Variants in NHSL1 observed in about 807,000 individuals in gnomAD.
NHSL1 encodes NHS-like protein 1.
In NHSL1, 48 loss-of-function variants were observed where a neutral mutation model predicts 95.0. The ratio of observed to expected loss-of-function variants is 0.51; its 90% CI spans 0.40 to 0.64. The LOEUF is 0.64. Ranked by LOEUF, NHSL1 falls within the 30% of genes least tolerant of loss-of-function variation. The pLI is 0.00. For missense variants in NHSL1, 1,971 were observed against 2,077.7 expected, an observed-to-expected ratio of 0.95 and a Z score of 1.00; for synonymous variants, 783 against 833.9, an observed-to-expected ratio of 0.94 and a Z score of 1.05.
intron 1 of NHSL1, among the ~76,000 whole-genome samples, chr6:138,617,362 G>C (rs143107415): frequency 2.6e-5 from 4 of 152,124 alleles, no homozygotes; most frequent in African/African-American, 9.7e-5. Flanking sequence ...ACAGGGAAGA[G>C]GACAGACTGC....
intron 1 of NHSL1, among the ~76,000 whole-genome samples, chr6:138,590,435 C>A (rs73564368): frequency 3.9e-5 from 6 of 152,314 alleles, no homozygotes; most frequent in African/African-American, 1.4e-4. Context: ...TCCTTTCTCC[C>A]TTTCCCCTCA....
At chr6:138,564,015 T>A (rs1005443891) in intron 1 of NHSL1, among the ~76,000 whole-genome samples, 2 of 152,172 alleles carry the variant, frequency 1.3e-5, no homozygotes, top group Non-Finnish European at 2.9e-5. Flanking sequence ...TAATTCCATA[T>A]CTCTGTTCAC....
chr6:138,539,199 A>G (rs1368170844), intron 1 of NHSL1, among the ~76,000 whole-genome samples: 1 of 152,218 alleles, frequency 6.6e-6, no homozygotes, highest in Non-Finnish European at 1.5e-5. Context: ...ATACGATTTT[A>G]TAAAATAATT....
chr6:138,669,335 G>A (rs1785334746), intron 1 of NHSL1, among the ~76,000 whole-genome samples: 1 of 152,108 alleles, frequency 6.6e-6, no homozygotes. Context: ...GGAGAATAAA[G>A]GTTGAGCCAT....
chr6:138,545,664 G>A (rs1199147518), exon 1 of NHSL1: 1 of 1,289,202 alleles, frequency 7.8e-7, no homozygotes, highest in Non-Finnish European at 1.0e-6. Context: ...TGGAGGGGCT[G>A]TGCTCTGTGG....
Position 138,519,049 on chromosome 6 carries a change from A to AATAC in NHSL1, c.17-22682_17-22679dup, listed in dbSNP as rs1197099916. Among the ~76,000 whole-genome samples the AATAC allele has an allele frequency of 4.2e-4, 64 of 151,480 alleles. No homozygotes were observed. The South Asian group carries it at 9.5e-3, about 23-fold the overall frequency. ...AAATGAATAAATAAATAAATAAATA[A>AATAC]ATACATACATACATACATAATAAAA... is the stretch of plus-strand genomic sequence containing the variant. On this transcript the variant is annotated intron_variant, in intron 1 of 4. Coordinates refer to the NHSL1 transcript ENST00000342260.
intron 1 of NHSL1, among the ~76,000 whole-genome samples, chr6:138,557,271 A>T (rs1407798664): frequency 6.6e-6 from 1 of 152,212 alleles, no homozygotes; most frequent in East Asian, 1.9e-4. Context: ...CATTTTGCTG[A>T]CAAATTCAAC....
chr6:138,595,878 C>T (rs147157865), intron 1 of NHSL1, among the ~76,000 whole-genome samples: 5 of 152,254 alleles, frequency 3.3e-5, no homozygotes, highest in Middle Eastern at 3.4e-3. Flanking sequence ...GTGCCACGAT[C>T]TGTATAATTG....
At chr6:138,661,798 G>A (rs867458947) in intron 1 of NHSL1, among the ~76,000 whole-genome samples, 1 of 152,178 alleles carries the variant, frequency 6.6e-6, no homozygotes, top group African/African-American at 2.4e-5. Flanking sequence ...ACAGGCAGGT[G>A]GCTCATGCCT....
intron 1 of NHSL1, among the ~76,000 whole-genome samples, chr6:138,510,562 C>T (rs1408228345): frequency 1.3e-5 from 2 of 152,066 alleles, no homozygotes; most frequent in African/African-American, 4.8e-5. Context: ...ATGAGTGCTA[C>T]AAGGGTTTTA....
chr6:138,601,649 T>C (rs938812210), intron 1 of NHSL1, among the ~76,000 whole-genome samples: 1 of 151,922 alleles, frequency 6.6e-6, no homozygotes, highest in African/African-American at 2.4e-5. Context: ...CTGTCTCTAC[T>C]AAAAAAGCAA....
At chr6:138,448,819 G>A (rs369040941) in intron 3 of NHSL1, among the ~76,000 whole-genome samples, 1 of 152,320 alleles carries the variant, frequency 6.6e-6, no homozygotes, top group South Asian at 2.1e-4. Context: ...CTGGGAGGCC[G>A]AGGTGGGCGG....
At chr6:138,465,285 G>A (rs1354081038) in intron 3 of NHSL1, among the ~76,000 whole-genome samples, 1 of 152,046 alleles carries the variant, frequency 6.6e-6, no homozygotes, top group East Asian at 1.9e-4. Context: ...TCTACATAAG[G>A]AAATTAATGC....
At chr6:138,622,415 A>G (rs1246855269) in intron 1 of NHSL1, among the ~76,000 whole-genome samples, 1 of 152,016 alleles carries the variant, frequency 6.6e-6, no homozygotes, top group East Asian at 1.9e-4. Context: ...GAGGAAGGAG[A>G]ATGGCATGAA....
intron 1 of NHSL1, among the ~76,000 whole-genome samples, chr6:138,671,387 T>C (rs548424733): frequency 2.0e-5 from 3 of 150,942 alleles, no homozygotes; most frequent in African/African-American, 7.3e-5. Flanking sequence ...GAGGCAGAGA[T>C]TGCAGTGAGC....
At chr6:138,679,948 A>T (rs1583478519) in intron 1 of NHSL1, among the ~76,000 whole-genome samples, 1 of 152,104 alleles carries the variant, frequency 6.6e-6, no homozygotes, top group Non-Finnish European at 1.5e-5. Flanking sequence ...TATATTGGCC[A>T]AAAAAAGAGA....
At chr6:138,511,770 T>C (rs892931119) in intron 1 of NHSL1, among the ~76,000 whole-genome samples, 2 of 151,994 alleles carry the variant, frequency 1.3e-5, no homozygotes, top group African/African-American at 2.4e-5. Flanking sequence ...AACCCGTCTC[T>C]ACAAAAAATA....
At chr6:138,444,282 AAAAG>A in intron 4 of NHSL1, among the ~76,000 whole-genome samples, 1 of 152,284 alleles carries the variant, frequency 6.6e-6, no homozygotes, top group East Asian at 1.9e-4. Context: ...TAAAAAAAAA[AAAAG>A]AAATAAACTT....
intron 1 of NHSL1, among the ~76,000 whole-genome samples, chr6:138,518,084 T>C (rs532703311): frequency 6.6e-6 from 1 of 152,286 alleles, no homozygotes; most frequent in Admixed American, 6.5e-5. Context: ...GCTGCAAGAT[T>C]TCTGGACAAG....
Sources: allele counts gnomAD v4.1 joint callset (sites outside exome capture counted in the v4.1 genomes callset), GRCh38; gene constraint gnomAD v4.1.1; transcripts MANE v1.5; gene names NCBI Gene and HGNC (gene_info 2026-07-23, HGNC 2026-07-21).